Variants in TRERF1 observed in about 807,000 individuals in gnomAD.
TRERF1 encodes transcriptional-regulating factor 1.
A neutral mutation model predicts 122.9 loss-of-function variants in TRERF1; 27 were observed. The observed-to-expected ratio is 0.22, with a 90% CI of 0.16 to 0.30. TRERF1 has a LOEUF of 0.30. TRERF1 is among the 10% of genes least tolerant of loss of function. TRERF1 has a pLI of 1.00. For missense variants in TRERF1, 1,248 were observed against 1,560.3 expected, an observed-to-expected ratio of 0.80 and a Z score of 3.37; for synonymous variants, 636 against 641.7, an observed-to-expected ratio of 0.99 and a Z score of 0.13.
chr6:42,269,233 A>G lies in TRERF1; in HGVS notation c.358T>C (p.Tyr120His). Reference sequence around the variant, plus strand: ...CTGGCCTGGGAGTAGGTGTATTGGTAGCCATCAGTGGGCTCAGCCTGGGCT... The same window carrying G: ...CTGGCCTGGGAGTAGGTGTATTGGTGGCCATCAGTGGGCTCAGCCTGGGCT... Residue 120 changes from tyrosine (Y) to histidine (H), a missense_variant, in exon 5 of 18, where the codon TAC becomes CAC. Tyr to His is a moderately conservative substitution (Grantham distance 83). Coordinates refer to ENST00000372922, the Ensembl canonical transcript of TRERF1. The surrounding 1 kb of genome is among the most constrained non-coding windows in gnomAD (Gnocchi z 4.9). 1.2e-6 allele frequency: 2 copies of G among 1,614,164 alleles called. No homozygotes were observed. The highest frequency in any genetic ancestry group is 8.5e-7 in the Non-Finnish European group (1 of 1,180,026).
In TRERF1 at chr6:42,268,778, T is replaced by C; in HGVS notation, c.813A>G (p.Pro271=). Reference sequence around the variant, plus strand: ...GCCCGGCTTGCTGCTGTTGCTGCGGTGGGTAATACTGGTGCTGCTGCATCT... The same window carrying C: ...GCCCGGCTTGCTGCTGTTGCTGCGGCGGGTAATACTGGTGCTGCTGCATCT... The change falls in exon 5 of 18, where the codon CCA becomes CCG. Residue 271 remains proline, a synonymous_variant. Coordinates refer to ENST00000372922, the Ensembl canonical transcript of TRERF1. The surrounding 1 kb of genome is among the most constrained non-coding windows in gnomAD (Gnocchi z 4.4). The C allele has an allele frequency of 1.9e-6, 3 of 1,614,122 alleles. No individual in the cohort carries two copies.
chr6:42,417,671 A>G (rs913523411), intron 2 of TRERF1, among the ~76,000 whole-genome samples: 12 of 152,232 alleles, frequency 7.9e-5, no homozygotes, highest in African/African-American at 2.7e-4. Context: ...TGGCCAGAGC[A>G]GGGGCCAGAT....
At chr6:42,294,484 T>G (rs1003726522) in intron 4 of TRERF1, among the ~76,000 whole-genome samples, 4 of 152,126 alleles carry the variant, frequency 2.6e-5, no homozygotes, top group African/African-American at 9.7e-5. Context: ...CCGGCCTTAA[T>G]GTTGCAATTA....
At chr6:42,404,682 T>C (rs988034333) in intron 2 of TRERF1, among the ~76,000 whole-genome samples, 1 of 152,086 alleles carries the variant, frequency 6.6e-6, no homozygotes, top group Non-Finnish European at 1.5e-5. Context: ...ACTCTCCTCC[T>C]GCCTCTTGAT....
At chr6:42,434,916 T>G (rs1395673032) in intron 2 of TRERF1, among the ~76,000 whole-genome samples, 2 of 151,968 alleles carry the variant, frequency 1.3e-5, no homozygotes, top group Non-Finnish European at 2.9e-5. Flanking sequence ...TCACCTGAGG[T>G]CAGGAGTTCA....
At chr6:42,402,859 A>C (rs1266488414) in intron 2 of TRERF1, among the ~76,000 whole-genome samples, 2 of 152,102 alleles carry the variant, frequency 1.3e-5, no homozygotes, top group African/African-American at 4.8e-5. Flanking sequence ...CAGATGAGAA[A>C]ACTGACGCTA....
At chr6:42,343,311 C>G (rs1237856935) in intron 3 of TRERF1, among the ~76,000 whole-genome samples, 1 of 152,156 alleles carries the variant, frequency 6.6e-6, no homozygotes, top group Non-Finnish European at 1.5e-5. Flanking sequence ...CACAAGAAAC[C>G]ATATTTAAAA....
chr6:42,369,019 T>C lies in TRERF1; in HGVS notation c.-453-5940A>G, dbSNP rs930039523. Among the ~76,000 whole-genome samples, 3 of 152,118 alleles carry C rather than the reference T, an allele frequency of 2.0e-5. No individual in the cohort carries two copies. In the South Asian group the frequency reaches 6.2e-4, roughly 32 times the overall value. On this transcript the variant is annotated intron_variant, in intron 2 of 17. Coordinates refer to ENST00000372922, the Ensembl canonical transcript of TRERF1. ...GCATTTCTGAAAAAAATTCCCAGGC[T>C]CCCCAAGATTCTGACACATTCAGTC...
Position 42,232,916 on chromosome 6 carries a change from G to A in TRERF1, c.3067-24C>T. 1 of 1,566,592 alleles carries A rather than the reference G, an allele frequency of 6.4e-7. No homozygotes were observed. The highest frequency in any genetic ancestry group is 2.3e-5 in the East Asian group (1 of 43,590). ...ACCTGGGGAAGAAAGGGAGTGACAT[G>A]ACATCTACAGTCCTGAAAAGGAAAT... On this transcript the variant is annotated intron_variant, in intron 16 of 17. Coordinates refer to ENST00000372922, the Ensembl canonical transcript of TRERF1. This position sits in a 1 kb window ranked among gnomAD's most constrained non-coding sequence, Gnocchi z 4.5.
chr6:42,281,640 T>C (rs1170456514), intron 4 of TRERF1, among the ~76,000 whole-genome samples: 2 of 152,140 alleles, frequency 1.3e-5, no homozygotes, highest in African/African-American at 4.8e-5. Flanking sequence ...GGTCCAGAAT[T>C]ACATCCAGGA....
chr6:42,292,986 C>T (rs1784545350), intron 4 of TRERF1, among the ~76,000 whole-genome samples: 1 of 152,218 alleles, frequency 6.6e-6, no homozygotes, highest in South Asian at 2.1e-4. Flanking sequence ...CTTTTAGTTA[C>T]AGCCTTTCCT....
In TRERF1 at chr6:42,299,139, T is replaced by TCTATCTATCTATCTAC. The variant is rs1561939031; in HGVS notation, c.-259+1498_-259+1499insGTAGATAGATAGATAG. The stretch of plus-strand genomic sequence containing the variant: ...GTCTCTATCTATCTATCTATCTACA[T>TCTATCTATCTATCTAC]ATATATATATATCTAGCTAGCTGGA... On this transcript the variant is annotated intron_variant, in intron 4 of 17. Transcript: ENST00000372922. Among the ~76,000 whole-genome samples the TCTATCTATCTATCTAC allele has an allele frequency of 8.4e-3, 955 of 114,102 alleles. 19 individuals are homozygous for TCTATCTATCTATCTAC. Among genetic ancestry groups the TCTATCTATCTATCTAC allele is most frequent in the Admixed American group, 0.014 (170 of 11,770 alleles). 74.9% of individuals were successfully genotyped at this position (114,102 alleles called of 152,430 possible).
Position 42,228,567 on chromosome 6 carries a change from C to A in TRERF1, c.3381G>T (p.Glu1127Asp), listed in dbSNP as rs779593927. The A allele has an allele frequency of 6.2e-7, 1 of 1,614,254 alleles. No homozygotes were observed. The highest frequency in any genetic ancestry group is 8.5e-7 in the Non-Finnish European group (1 of 1,180,048). The change falls in exon 18 of 18, where the codon GAG becomes GAT. Residue 1127 changes from glutamate (E) to aspartate (D), a missense_variant. Physicochemically the swap from Glu to Asp is conservative, Grantham distance 45. Transcript: ENST00000372922. This position sits in a 1 kb window ranked among gnomAD's most constrained non-coding sequence, Gnocchi z 4.2. ...TAGTCCTCTCAATCGTGGCTGCCAT[C>A]TCAGCTGCAAAAGCCGCCTTCTGAG...
Position 42,259,295 on chromosome 6 carries a change from A to G in TRERF1, c.2269+44T>C, listed in dbSNP as rs1196070476. On this transcript the variant is annotated intron_variant, in intron 9 of 17. Transcript: ENST00000372922. This position sits in a 1 kb window ranked among gnomAD's most constrained non-coding sequence, Gnocchi z 4.9. Reference sequence around the variant, plus strand: ...AGAAAACGAGATGTCCCAGGACTTTACCCAGCACCCAGAGCCCAGGAGGAC... The same window carrying G: ...AGAAAACGAGATGTCCCAGGACTTTGCCCAGCACCCAGAGCCCAGGAGGAC... 1 of 1,478,872 alleles carries G rather than the reference A, an allele frequency of 6.8e-7. No individual in the cohort carries two copies. Among genetic ancestry groups the G allele is most frequent in the African/African-American group, 1.4e-5 (1 of 71,346 alleles). 91.6% of individuals were successfully genotyped at this position (1,478,872 alleles called of 1,614,324 possible). A position where few individuals can be genotyped will look rare whatever the true frequency, so the allele number is the denominator to read the frequency against.
chr6:42,273,363 G>T (rs904933885), intron 4 of TRERF1, among the ~76,000 whole-genome samples: 2 of 152,060 alleles, frequency 1.3e-5, no homozygotes, highest in Middle Eastern at 6.8e-3. Context: ...TTGAAGGAAG[G>T]GCAGTATTTA....
At chr6:42,249,362 C>A (rs58170583) in intron 13 of TRERF1, among the ~76,000 whole-genome samples, 2,582 of 152,282 alleles carry the variant, frequency 0.017, 74 homozygotes, top group African/African-American at 0.058. Context: ...ACCCACCAGG[C>A]TCATTACCTG....
exon 18 of TRERF1, chr6:42,226,359 T>C (rs1769510369): frequency 6.6e-6 from 1 of 152,216 alleles, no homozygotes; most frequent in African/African-American, 2.4e-5. Context: ...AGCACCCTTC[T>C]AGGCTTACCC....
At chr6:42,421,441 T>G (rs1164836640) in intron 2 of TRERF1, among the ~76,000 whole-genome samples, 1 of 152,186 alleles carries the variant, frequency 6.6e-6, no homozygotes, top group Non-Finnish European at 1.5e-5. Context: ...TTTTTTTCCC[T>G]ACTTTCCTCT....
chr6:42,240,892 G>GT (rs71545942), intron 15 of TRERF1, among the ~76,000 whole-genome samples: 8,586 of 151,912 alleles, frequency 0.057, 329 homozygotes, highest in East Asian at 0.11. Flanking sequence ...ACTGTTTTTT[G>GT]TTTTTTGTTT....
Sources: gnomAD v4.1 joint callset for allele counts (sites outside exome capture counted in the v4.1 genomes callset) on GRCh38, gnomAD v4.1.1 for gene constraint, Gnocchi (gnomAD v3.1) non-coding constraint, MANE v1.5 for transcripts, NCBI Gene and HGNC (gene_info 2026-07-23, HGNC 2026-07-21) for gene names.